Variants in LTO1 observed in about 807,000 individuals in gnomAD.
The protein encoded by LTO1 is protein LTO1 homolog.
In LTO1, 18 loss-of-function variants were observed where a neutral mutation model predicts 19.8. The ratio of observed to expected loss-of-function variants is 0.91; its 90% confidence interval spans 0.63 to 1.35. The LOEUF (loss-of-function observed/expected upper bound fraction) is 1.35, where lower values mean the gene tolerates loss of function less well. Among genes scored for constraint, LTO1 ranks in the 40% most tolerant of loss-of-function variants. The pLI, the probability that LTO1 is intolerant of heterozygous loss-of-function variation, is 0.00. For synonymous variants in LTO1, 59 were observed against 59.6 expected (o/e 0.99, Z 0.05); for missense variants, 175 against 167.9 (o/e 1.04, Z -0.23).
chr11:69,670,178 C>G lies in LTO1; in HGVS notation c.227+1571G>C, dbSNP rs571549790. 2.0e-5 allele frequency among the ~76,000 whole-genome samples: 3 copies of G among 152,268 alleles called. No individual in the cohort carries two copies. In the South Asian group the frequency reaches 6.2e-4, roughly 32 times the overall value. Reference sequence around the variant, plus strand: ...TCCACCAGCCCCTCGTCAACCAAAGCGGTTCTTCTCTGTTAGCTAGACTGA... The same window carrying G: ...TCCACCAGCCCCTCGTCAACCAAAGGGGTTCTTCTCTGTTAGCTAGACTGA... On this transcript the variant is annotated intron_variant, in intron 3 of 4. Coordinates refer to ENST00000279147, the MANE Select transcript of LTO1 (RefSeq NM_153451.3).
At chr11:69,668,369 CTCTGGG>C in intron 3 of LTO1, 1 of 183,912 alleles carries the variant, frequency 5.4e-6, no homozygotes, top group Non-Finnish European at 1.1e-5. Context: ...AGCAGGCCTG[CTCTGGG>C]TCTGGGGATT....
At chr11:69,667,791 C>T (rs1282190201) in intron 4 of LTO1, 104 bp downstream of exon 4, 4 of 767,246 alleles carry the variant, frequency 5.2e-6, no homozygotes, top group Non-Finnish European at 9.2e-6. Flanking sequence ...CCGCGGCGCA[C>T]GCAGCCCCAG....
At position 69,671,767 on chromosome 11, in the gene LTO1, C is replaced by G; in HGVS notation, c.209G>C (p.Cys70Ser). ...CCTTTACCTGTCCTTCTCAGTGGTG[C>G]AACTGTGCAGTAGACATTTCCATGC... The part of the protein sequence containing the change: ...AFAWKCLLHS[C>S]TTEKDSRKMK... Residue 70 changes from cysteine (C) to serine (S), a missense_variant, in exon 3 of 5, where the codon TGC becomes TCC. Transcript: ENST00000279147. The G allele has an allele frequency of 2.5e-6, 4 of 1,596,304 alleles. No homozygotes were observed. The highest frequency in any genetic ancestry group is 3.4e-6 in the Non-Finnish European group (4 of 1,163,842).
In LTO1 at chr11:69,675,234, A is replaced by G; in HGVS notation, c.6T>C (p.Ala2=). M[A]GSQDIFDAIV... is the part of the protein sequence containing the mutation. ...TGGCATCGAATATGTCCTGACTGCC[A>G]GCCATAGCGGCAAGCAGCCCGCCCT... The change falls in exon 1 of 5, where the codon GCT becomes GCC. Residue 2 remains alanine (A), a synonymous_variant. Transcript: ENST00000279147. The G allele has an allele frequency of 1.3e-6, 2 of 1,508,102 alleles. No homozygotes were observed. Among genetic ancestry groups the G allele is most frequent in the Non-Finnish European group, 1.8e-6 (2 of 1,130,192 alleles). 93.4% of individuals were successfully genotyped at this position (1,508,102 alleles called of 1,614,324 possible).
At position 69,675,193 on chromosome 11, in the gene LTO1, T is replaced by C; in HGVS notation, c.47A>G (p.Glu16Gly). Residue 16 changes from glutamate to glycine, a missense_variant, in exon 1 of 5, where the codon GAG becomes GGG. Physicochemically the swap from Glu to Gly is moderately conservative, Grantham distance 98. Transcript: ENST00000279147. Reference protein sequence around the residue: ...DIFDAIVMADERFHGEGYREG... With the variant: ...DIFDAIVMADGRFHGEGYREG... ...CGGGCCCGGCCTCACCACCCACCTCTCATCCGCCATCACGATGGCATCGAA... is the reference window on the plus strand; with the variant it reads ...CGGGCCCGGCCTCACCACCCACCTCCCATCCGCCATCACGATGGCATCGAA... 2 of 1,564,022 alleles carry C rather than the reference T, an allele frequency of 1.3e-6. No homozygotes were observed. Among genetic ancestry groups the C allele is most frequent in the Non-Finnish European group, 1.7e-6 (2 of 1,161,392 alleles).
chr11:69,675,180 C>T lies in LTO1; in HGVS notation c.50+10G>A, dbSNP rs1856172719. 1 of 1,579,010 alleles carries T rather than the reference C, an allele frequency of 6.3e-7. No individual in the cohort carries two copies. Among genetic ancestry groups the T allele is most frequent in the East Asian group, 2.3e-5 (1 of 44,334 alleles). ...ACAGGGCGGGGTGCGGGCCCGGCCT[C>T]ACCACCCACCTCTCATCCGCCATCA... is the stretch of plus-strand genomic sequence containing the variant. On this transcript the variant is annotated intron_variant, in intron 1 of 4. Transcript: ENST00000279147.
intron 1 of LTO1, among the ~76,000 whole-genome samples, chr11:69,673,686 TTCC>T (rs1250838505): frequency 2.9e-5 from 4 of 136,228 alleles, no homozygotes; most frequent in Non-Finnish European, 6.2e-5. Context: ...CTTTTCTTTC[TTCC>T]TTTTTTTTTT....
intron 1 of LTO1, 75 bp downstream of exon 1, chr11:69,675,115 T>G: frequency 7.2e-7 from 1 of 1,393,130 alleles, no homozygotes; most frequent in African/African-American, 1.4e-5. Context: ...GCAGCCGCCC[T>G]GGGCCGCAGC....
At chr11:69,669,889 T>A (rs1041231737) in intron 3 of LTO1, among the ~76,000 whole-genome samples, 2 of 152,214 alleles carry the variant, frequency 1.3e-5, no homozygotes, top group Non-Finnish European at 2.9e-5. Context: ...TCTTTGGTGT[T>A]ACAATGCCCA....
chr11:69,666,910 C>T lies in LTO1; in HGVS notation c.*609G>A, dbSNP rs1856039635. 1 of 152,398 alleles carries T rather than the reference C, an allele frequency of 6.6e-6. No homozygotes were observed. Among genetic ancestry groups the T allele is most frequent in the Non-Finnish European group, 1.5e-5 (1 of 68,198 alleles). 9.4% of individuals were successfully genotyped at this position (152,398 alleles called of 1,614,324 possible). On this transcript the variant is annotated 3_prime_UTR_variant, in exon 5 of 5. Transcript: ENST00000279147. ...GTGCCTGGTGGCAGTGAGGCACAGCCTTAGGGCGGAAGTCCTAGCTCTGCT... is the reference window on the plus strand; with the variant it reads ...GTGCCTGGTGGCAGTGAGGCACAGCTTTAGGGCGGAAGTCCTAGCTCTGCT...
In LTO1 at chr11:69,671,798, C is replaced by T. The variant is rs776072463; in HGVS notation, c.178G>A (p.Ala60Thr). Residue 60 changes from alanine to threonine, a missense_variant, in exon 3 of 5, where the codon GCT becomes ACT. By Grantham distance (58) the Ala-to-Thr change is moderately conservative. Transcript: ENST00000279147. ...TGCAGTAGACATTTCCATGCAAAAG[C>T]AAAACCTTGGTAGCACCCGATCTGT... ...GSEIGCYQGF[A>T]FAWKCLLHSC... The T allele has an allele frequency of 6.2e-7, 1 of 1,601,236 alleles. No individual in the cohort carries two copies. Among genetic ancestry groups the T allele is most frequent in the East Asian group, 2.2e-5 (1 of 44,820 alleles).
chr11:69,670,940 G>C (rs982225307), intron 3 of LTO1, among the ~76,000 whole-genome samples: 2 of 152,134 alleles, frequency 1.3e-5, no homozygotes, highest in African/African-American at 2.4e-5. Context: ...TTGCTCTGTC[G>C]CCCAGGCTGG....
intron 2 of LTO1, 102 bp from the exon 3 acceptor site, chr11:69,671,921 G>A (rs1345301176): frequency 1.3e-6 from 1 of 749,712 alleles, no homozygotes; most frequent in Admixed American, 1.8e-5. Context: ...AGGCAGCGGT[G>A]CTTCTCACAC....
chr11:69,673,061 C>G (rs747538710), intron 2 of LTO1, 155 bp downstream of exon 2: 25 of 691,056 alleles, frequency 3.6e-5, no homozygotes, highest in Non-Finnish European at 5.9e-5. Context: ...CCTCAGACTC[C>G]CAAAGTGCTG....
chr11:69,671,601 C>T, intron 3 of LTO1, 148 bp downstream of exon 3: 1 of 637,172 alleles, frequency 1.6e-6, no homozygotes. Context: ...CGTTAAATCT[C>T]CTAACAACAC....
Position 69,667,745 on chromosome 11 carries a change from C to T in LTO1, c.345+150G>A, listed in dbSNP as rs73522766. ...CTGGACTGTCTTCAGTTTTCCTGCA[C>T]TGCGACTCAAGGATGAGGCGCCTCT... On this transcript the variant is annotated intron_variant, in intron 4 of 4. Coordinates refer to ENST00000279147, the MANE Select transcript of LTO1 (RefSeq NM_153451.3). The T allele has an allele frequency of 0.011, 7,496 of 710,744 alleles. 374 individuals are homozygous for T. In the African/African-American group the frequency reaches 0.12, roughly 11 times the overall value. 44.0% of individuals were successfully genotyped at this position (710,744 alleles called of 1,614,324 possible).
chr11:69,672,791 G>T (rs959831289), intron 2 of LTO1: 1 of 313,832 alleles, frequency 3.2e-6, no homozygotes, highest in South Asian at 2.9e-5. Flanking sequence ...CCCATGCAAA[G>T]GCACTGTGAT....
At chr11:69,667,866 T>C (rs1450086879) in intron 4 of LTO1, 29 bp downstream of exon 4, 3 of 1,092,764 alleles carry the variant, frequency 2.7e-6, no homozygotes, top group South Asian at 1.2e-5. Flanking sequence ...CAGGTGCTCC[T>C]AGCAGGAGGA....
chr11:69,675,331 G>A lies in LTO1; in HGVS notation c.-92C>T. 9.3e-7 allele frequency: 1 copy of A among 1,075,646 alleles called. No individual in the cohort carries two copies. The highest frequency in any genetic ancestry group is 1.3e-6 in the Non-Finnish European group (1 of 772,720). 66.6% of individuals were successfully genotyped at this position (1,075,646 alleles called of 1,614,324 possible). A position where few individuals can be genotyped will look rare whatever the true frequency, so the allele number is the denominator to read the frequency against. ...AGCTTCAGGCACAAATGCTCCGCTT[G>A]GGAGGAGACGAGACCCACTTCCGGA... On this transcript the variant is annotated 5_prime_UTR_variant, in exon 1 of 5. Transcript: ENST00000279147.
Sources: allele counts gnomAD v4.1 joint callset (sites outside exome capture counted in the v4.1 genomes callset), GRCh38; gene constraint gnomAD v4.1.1; transcripts MANE v1.5; gene names NCBI Gene and HGNC (gene_info 2026-07-23, HGNC 2026-07-21).